The following ARHGAP42 variants were observed in gnomAD, a reference collection of about 807,000 sequenced individuals.
The protein encoded by ARHGAP42 is rho GTPase-activating protein 42.
ARHGAP42 carries 63 observed loss-of-function variants against 125.0 expected under a neutral mutation model. The observed-to-expected ratio is 0.50, with a 90% confidence interval of 0.41 to 0.62. The LOEUF (loss-of-function observed/expected upper bound fraction) is 0.62, where lower values mean the gene tolerates loss of function less well. Ranked by LOEUF, ARHGAP42 falls within the 20% of genes least tolerant of loss-of-function variation. The pLI, the probability that ARHGAP42 is intolerant of heterozygous loss-of-function variation, is 0.00. For missense variants in ARHGAP42, 766 were observed against 1,024.2 expected (o/e 0.75, Z 3.44); for synonymous variants, 339 against 351.0 (o/e 0.97, Z 0.38).
chr11:100,784,075 C>T, intron 2 of ARHGAP42, among the ~76,000 whole-genome samples: 1 of 152,056 alleles, frequency 6.6e-6, no homozygotes, highest in Middle Eastern at 3.2e-3. Context: ...CAGAAGATGC[C>T]TAAATAGAGG....
intron 3 of ARHGAP42, among the ~76,000 whole-genome samples, chr11:100,827,002 CT>C (rs869260353): frequency 0.22 from 17,868 of 80,656 alleles, 561 homozygotes; most frequent in South Asian, 0.31. Context: ...GCCTTACATC[CT>C]TTTTTTTTTT....
intron 3 of ARHGAP42, among the ~76,000 whole-genome samples, chr11:100,827,506 C>T (rs1419765704): frequency 3.9e-5 from 6 of 152,148 alleles, no homozygotes; most frequent in African/African-American, 7.2e-5. Flanking sequence ...GCATGGATCC[C>T]AAGGGCCTGT....
chr11:100,917,557 T>A (rs1867107925), intron 5 of ARHGAP42, among the ~76,000 whole-genome samples: 2 of 152,060 alleles, frequency 1.3e-5, no homozygotes, highest in African/African-American at 4.8e-5. Context: ...GCTAGTATTA[T>A]GATTATGATT....
intron 4 of ARHGAP42, among the ~76,000 whole-genome samples, chr11:100,909,417 C>T (rs1866848674): frequency 6.7e-6 from 1 of 149,232 alleles, no homozygotes; most frequent in Admixed American, 6.8e-5. Context: ...GCGATCTTGG[C>T]TCACTGCAAC....
rs1427462346 is a variant in ARHGAP42, at chr11:100,770,990, A to G, written c.250+552A>G. On this transcript the variant is annotated intron_variant, in intron 2 of 23. Coordinates refer to ENST00000298815, the MANE Select transcript of ARHGAP42 (RefSeq NM_152432.4). ...ATAACTCAGGTCAGCCGAGCTTTGA[A>G]TTATTCGTTCAAACAAATATATATT... Among the ~76,000 whole-genome samples, 4 of 152,360 alleles carry G rather than the reference A, an allele frequency of 2.6e-5. No homozygotes were observed. In the South Asian group the frequency reaches 8.3e-4, roughly 32 times the overall value.
At chr11:100,947,962 T>C (rs770373283) in intron 10 of ARHGAP42, among the ~76,000 whole-genome samples, 1 of 152,044 alleles carries the variant, frequency 6.6e-6, no homozygotes, top group Non-Finnish European at 1.5e-5. Flanking sequence ...TTCAATATTG[T>C]CATCATGGTA....
At chr11:100,837,671 T>TA (rs778909648) in intron 3 of ARHGAP42, among the ~76,000 whole-genome samples, 18,351 of 95,392 alleles carry the variant, frequency 0.19, 1,725 homozygotes, top group Middle Eastern at 0.23. Flanking sequence ...TCATCCTTTT[T>TA]TTTTTTTTTT....
At chr11:100,734,213 G>A (rs564658312) in intron 1 of ARHGAP42, among the ~76,000 whole-genome samples, 1 of 151,832 alleles carries the variant, frequency 6.6e-6, no homozygotes, top group African/African-American at 2.4e-5. Context: ...GATTACAAGC[G>A]TGAGCCACCG....
chr11:100,943,810 C>T lies in ARHGAP42; in HGVS notation c.985C>T (p.Arg329Ter). ...PEMFKLKSCIRRKTDSIDKRF... is the reference protein window; with the variant it reads ...PEMFKLKSCI ...AATGTTTAAATTAAAATCTTGTATC[C>T]GACGAAAGACAGATTCAATTGACAA... The change falls in exon 10 of 24, where the codon CGA becomes TGA. Residue 329 changes from arginine to a stop codon, truncating the protein, a stop_gained. Coordinates refer to ENST00000298815, the MANE Select transcript of ARHGAP42 (RefSeq NM_152432.4). LOFTEE classifies it high-confidence loss of function. 1.9e-6 allele frequency: 3 copies of T among 1,549,342 alleles called. No homozygotes were observed. The highest frequency in any genetic ancestry group is 1.7e-6 in the Non-Finnish European group (2 of 1,145,630).
intron 1 of ARHGAP42, among the ~76,000 whole-genome samples, chr11:100,720,983 C>A (rs61910476): frequency 4.0e-5 from 6 of 151,540 alleles, no homozygotes; most frequent in Admixed American, 1.3e-4. Context: ...GCAGATAATA[C>A]AGAATTACAA....
intron 1 of ARHGAP42, among the ~76,000 whole-genome samples, chr11:100,696,095 G>T (rs142203210): frequency 6.6e-6 from 1 of 152,006 alleles, no homozygotes; most frequent in Non-Finnish European, 1.5e-5. Context: ...GTAGTGATGC[G>T]TGCCTGTAGT....
At chr11:100,821,812 C>A (rs564698535) in intron 3 of ARHGAP42, among the ~76,000 whole-genome samples, 1 of 152,246 alleles carries the variant, frequency 6.6e-6, no homozygotes, top group East Asian at 1.9e-4. Context: ...ACAACTGAAA[C>A]ACCTTAAGCA....
At chr11:100,969,482 T>A (rs1423256349) in intron 17 of ARHGAP42, among the ~76,000 whole-genome samples, 1 of 152,150 alleles carries the variant, frequency 6.6e-6, no homozygotes, top group Non-Finnish European at 1.5e-5. Context: ...GGTACTCCCA[T>A]TATGCATTTA....
At chr11:100,747,782 A>T (rs929388689) in intron 1 of ARHGAP42, among the ~76,000 whole-genome samples, 1 of 152,030 alleles carries the variant, frequency 6.6e-6, no homozygotes, top group African/African-American at 2.4e-5. Flanking sequence ...CAGGAGGCCT[A>T]ATTACTTTTA....
At chr11:100,767,773 A>G (rs2134984807) in intron 1 of ARHGAP42, among the ~76,000 whole-genome samples, 1 of 152,350 alleles carries the variant, frequency 6.6e-6, no homozygotes, top group South Asian at 2.1e-4. Flanking sequence ...CAAATCCAGC[A>G]GAACATAAGG....
At chr11:100,866,985 A>C (rs1312560231) in intron 4 of ARHGAP42, among the ~76,000 whole-genome samples, 1 of 152,216 alleles carries the variant, frequency 6.6e-6, no homozygotes, top group Non-Finnish European at 1.5e-5. Context: ...ATTGGCAATG[A>C]GTAGTACTAT....
At chr11:100,946,902 T>TA (rs1238437338) in intron 10 of ARHGAP42, among the ~76,000 whole-genome samples, 1 of 151,634 alleles carries the variant, frequency 6.6e-6, no homozygotes, top group South Asian at 2.1e-4. Flanking sequence ...ATCAATTTGT[T>TA]AAAAATGCAG....
At chr11:100,766,413 ACACT>A (rs1319760769) in intron 1 of ARHGAP42, among the ~76,000 whole-genome samples, 1 of 152,196 alleles carries the variant, frequency 6.6e-6, no homozygotes, top group Admixed American at 6.5e-5. Context: ...TGATATTTTA[ACACT>A]CAACAACAAA....
intron 1 of ARHGAP42, among the ~76,000 whole-genome samples, chr11:100,726,826 T>C (rs1861870619): frequency 6.6e-6 from 1 of 152,240 alleles, no homozygotes; most frequent in Non-Finnish European, 1.5e-5. Flanking sequence ...TTGGGTGAAC[T>C]TCTCTGTGGT....
Sources: allele counts gnomAD v4.1 joint callset (sites outside exome capture counted in the v4.1 genomes callset), GRCh38; gene constraint gnomAD v4.1.1; transcripts MANE v1.5; gene names NCBI Gene and HGNC (gene_info 2026-07-23, HGNC 2026-07-21).